GLIS3: variants seen among roughly 807,000 people sequenced by gnomAD.
GLIS3 encodes the protein GLIS family zinc finger 3.
In GLIS3, 53 loss-of-function variants were observed where a neutral mutation model predicts 78.6. The ratio of observed to expected loss-of-function variants is 0.67; its 90% CI spans 0.54 to 0.85. The LOEUF (loss-of-function observed/expected upper bound fraction) is 0.85, where lower values mean the gene tolerates loss of function less well. Ranked by LOEUF, GLIS3 falls within the 40% of genes least tolerant of loss-of-function variation. The pLI is 0.00. For missense variants in GLIS3, 1,703 were observed against 1,231.1 expected (o/e 1.38, Z -5.74); for synonymous variants, 684 against 509.9 (o/e 1.34, Z -4.60).
At chr9:3,895,991 A>G (rs1363576726) in intron 7 of GLIS3, among the ~76,000 whole-genome samples, 1 of 152,258 alleles carries the variant, frequency 6.6e-6, no homozygotes, top group Non-Finnish European at 1.5e-5. Context: ...TTGATTTTGT[A>G]TAATAGAACA....
the GLIS3 span, among the ~76,000 whole-genome samples, chr9:4,392,236 G>A: frequency 1.3e-5 from 2 of 151,576 alleles, no homozygotes; most frequent in African/African-American, 4.9e-5. Context: ...ACTAGGGCCT[G>A]TCGTGGGGCG....
At chr9:4,081,180 G>A (rs1828527321) in intron 4 of GLIS3, 2 of 152,204 alleles carry the variant, frequency 1.3e-5, no homozygotes, top group African/African-American at 2.4e-5. Flanking sequence ...CTGTGCTAGA[G>A]GGAAGCATGA....
At position 3,938,236 on chromosome 9, in the gene GLIS3, A is replaced by T. The variant is rs530411600; in HGVS notation, c.1711-1047T>A. ...CTCACTGGAAGGGAAACTGAGAAAT[A>T]CGGAACACCTACTGGAAAAAAAGCA... On this transcript the variant is annotated intron_variant, in intron 4 of 10. Transcript: ENST00000381971. 8.5e-5 allele frequency among the ~76,000 whole-genome samples: 13 copies of T among 152,338 alleles called. No individual in the cohort carries two copies. The South Asian group carries it at 2.5e-3, about 29-fold the overall frequency.
At chr9:4,094,931 G>A (rs1430330162) in intron 4 of GLIS3, among the ~76,000 whole-genome samples, 1 of 151,992 alleles carries the variant, frequency 6.6e-6, no homozygotes, top group Non-Finnish European at 1.5e-5. Flanking sequence ...ACATATTCAT[G>A]GAGCACATAG....
intron 2 of GLIS3, among the ~76,000 whole-genome samples, chr9:4,201,163 T>C (rs1819357124): frequency 6.6e-6 from 1 of 152,102 alleles, no homozygotes; most frequent in South Asian, 2.1e-4. Context: ...CTCAAGAAAC[T>C]AGGCATCAAA....
At chr9:4,195,388 C>T (rs1279933199) in intron 2 of GLIS3, among the ~76,000 whole-genome samples, 1 of 152,170 alleles carries the variant, frequency 6.6e-6, no homozygotes, top group East Asian at 1.9e-4. Flanking sequence ...GCCCCACACT[C>T]GGAGAGGCCA....
At chr9:4,104,030 G>A (rs1830572268) in intron 4 of GLIS3, among the ~76,000 whole-genome samples, 1 of 152,064 alleles carries the variant, frequency 6.6e-6, no homozygotes, top group Non-Finnish European at 1.5e-5. Context: ...CCTCAACGAT[G>A]GAATACAGGG....
At chr9:3,864,828 C>T (rs1201403127) in intron 8 of GLIS3, among the ~76,000 whole-genome samples, 2 of 152,134 alleles carry the variant, frequency 1.3e-5, no homozygotes, top group Admixed American at 1.3e-4. Context: ...AGGGCAAAAA[C>T]CCTCAGATAC....
intron 2 of GLIS3, among the ~76,000 whole-genome samples, chr9:4,324,925 T>C (rs550539410): frequency 3.9e-5 from 6 of 152,364 alleles, no homozygotes; most frequent in South Asian, 2.1e-4. Context: ...ACGTGCTAAA[T>C]AGCAGTTAAC....
At chr9:4,414,931 C>A in the GLIS3 span, among the ~76,000 whole-genome samples, 2 of 152,080 alleles carry the variant, frequency 1.3e-5, no homozygotes, top group African/African-American at 4.8e-5. Flanking sequence ...ATCCACTGAT[C>A]CCCACCCTGC....
At chr9:4,354,762 C>A in the GLIS3 span, among the ~76,000 whole-genome samples, 2 of 152,146 alleles carry the variant, frequency 1.3e-5, no homozygotes, top group Non-Finnish European at 2.9e-5. Flanking sequence ...GGAAAACATG[C>A]TACCCCAAAT....
the GLIS3 span, among the ~76,000 whole-genome samples, chr9:4,447,104 G>T: frequency 5.9e-5 from 9 of 151,952 alleles, no homozygotes; most frequent in South Asian, 2.1e-4. Context: ...CTGGAATTCA[G>T]TGGCACAATC....
chr9:4,191,688 T>C (rs1586929984), intron 2 of GLIS3, among the ~76,000 whole-genome samples: 2 of 152,178 alleles, frequency 1.3e-5, no homozygotes, highest in African/African-American at 2.4e-5. Context: ...TTTTAATAAA[T>C]ATGTGTTAAA....
At chr9:4,411,269 C>T in the GLIS3 span, among the ~76,000 whole-genome samples, 2 of 152,076 alleles carry the variant, frequency 1.3e-5, no homozygotes, top group African/African-American at 4.8e-5. Flanking sequence ...GACTTCTGTC[C>T]TTCACTTGGT....
the GLIS3 span, among the ~76,000 whole-genome samples, chr9:4,471,688 C>T: frequency 2.4e-4 from 37 of 152,142 alleles, no homozygotes; most frequent in East Asian, 5.6e-3. Context: ...TTCAAGCCAT[C>T]GGCATGGGCA....
chr9:4,006,325 A>C (rs967898743), intron 4 of GLIS3, among the ~76,000 whole-genome samples: 7 of 151,896 alleles, frequency 4.6e-5, no homozygotes, highest in Admixed American at 4.6e-4. Flanking sequence ...AAAAAAAAAA[A>C]AAAACTAGAG....
the GLIS3 span, among the ~76,000 whole-genome samples, chr9:4,354,335 C>T: frequency 6.6e-5 from 10 of 152,158 alleles, no homozygotes; most frequent in Non-Finnish European, 1.3e-4. Context: ...AACAGGACAC[C>T]TCTCTTCATG....
chr9:4,165,890 G>C (rs1348243360), intron 2 of GLIS3, among the ~76,000 whole-genome samples: 3 of 152,204 alleles, frequency 2.0e-5, no homozygotes, highest in Non-Finnish European at 2.9e-5. Flanking sequence ...TCCAATGTTT[G>C]GGGAGGCAGG....
In GLIS3 at chr9:4,056,871, T is replaced by C. The variant is rs368287990; in HGVS notation, c.1710+60897A>G. Among the ~76,000 whole-genome samples, 18 of 141,492 alleles carry C rather than the reference T, an allele frequency of 1.3e-4. 1 individual carries two copies. Among genetic ancestry groups the C allele is most frequent in the East Asian group, 1.2e-3 (6 of 4,820 alleles). 92.8% of individuals were successfully genotyped at this position (141,492 alleles called of 152,430 possible). On this transcript the variant is annotated intron_variant, in intron 4 of 10. Coordinates refer to ENST00000381971, the MANE Select transcript of GLIS3 (RefSeq NM_001042413.2). Reference sequence around the variant, plus strand: ...CCCAAATAAGATCATCTTTGGGTAATAGAAAAAGCTGCTCCTCTTCAAGAC... The same window carrying C: ...CCCAAATAAGATCATCTTTGGGTAACAGAAAAAGCTGCTCCTCTTCAAGAC...
Sources: allele counts gnomAD v4.1 joint callset (sites outside exome capture counted in the v4.1 genomes callset), GRCh38; gene constraint gnomAD v4.1.1; transcripts MANE v1.5; gene names NCBI Gene and HGNC (gene_info 2026-07-23, HGNC 2026-07-21).